GBE1: variants seen among roughly 807,000 people sequenced by gnomAD.
GBE1 encodes the protein 1,4-alpha-glucan-branching enzyme.
GBE1 carries 70 observed loss-of-function variants against 88.8 expected under a neutral mutation model. The observed-to-expected ratio is 0.79, with a 90% CI of 0.65 to 0.96. GBE1 has a LOEUF of 0.96. Among genes scored for constraint, GBE1 ranks in the 40% least tolerant of loss-of-function variants. The pLI is 0.00. For missense variants in GBE1, 872 were observed against 871.0 expected (o/e 1.00, Z -0.01); for synonymous variants, 284 against 300.1 (o/e 0.95, Z 0.56).
At chr3:81,700,985 C>T (rs1705679046) in intron 2 of GBE1, among the ~76,000 whole-genome samples, 1 of 152,136 alleles carries the variant, frequency 6.6e-6, no homozygotes, top group South Asian at 2.1e-4. Flanking sequence ...TTATTATCAT[C>T]TAGATACTGG....
chr3:81,613,846 C>T (rs2106997769), intron 7 of GBE1, among the ~76,000 whole-genome samples: 1 of 151,084 alleles, frequency 6.6e-6, no homozygotes, highest in African/African-American at 2.4e-5. Flanking sequence ...CTCTTTGTTT[C>T]ACTGGAAAGG....
chr3:81,653,348 T>C (rs1051385012), intron 3 of GBE1, among the ~76,000 whole-genome samples: 1 of 151,960 alleles, frequency 6.6e-6, no homozygotes, highest in Non-Finnish European at 1.5e-5. Flanking sequence ...TTAAACGGCA[T>C]GATGATGCAT....
rs568769625 is a variant in GBE1, at chr3:81,543,387, T to C, written c.1619-6292A>G. Among the ~76,000 whole-genome samples, 300 of 152,222 alleles carry C rather than the reference T, an allele frequency of 2.0e-3. 2 individuals are homozygous for C. Among genetic ancestry groups the C allele is most frequent in the Non-Finnish European group, 2.8e-3 (189 of 67,994 alleles). Reference sequence around the variant, plus strand: ...CTGACAAGGGGCAAATTAAGTTTAATGTAGACAAACGCAACATTAAATTTC... The same window carrying C: ...CTGACAAGGGGCAAATTAAGTTTAACGTAGACAAACGCAACATTAAATTTC... On this transcript the variant is annotated intron_variant, in intron 12 of 15. Coordinates refer to ENST00000429644, the MANE Select transcript of GBE1 (RefSeq NM_000158.4).
At chr3:81,628,039 T>C (rs1207652600) in intron 7 of GBE1, among the ~76,000 whole-genome samples, 1 of 152,000 alleles carries the variant, frequency 6.6e-6, no homozygotes, top group African/African-American at 2.4e-5. Context: ...TAAAGAAGAA[T>C]ATGAGACACA....
chr3:81,577,280 A>G lies in GBE1; in HGVS notation c.1618+645T>C, dbSNP rs938684317. ...AGAAAAATAAAACAGCCTTTTGTAT[A>G]TATTCCCCAGTCTTTGTGTCTTTCT... On this transcript the variant is annotated intron_variant, in intron 12 of 15. Transcript: ENST00000429644. Among the ~76,000 whole-genome samples the G allele has an allele frequency of 2.0e-5, 3 of 152,106 alleles. No individual in the cohort carries two copies. In the East Asian group the frequency reaches 5.8e-4, roughly 29 times the overall value.
rs1702423070 is a variant in GBE1 at position 81,490,550 on chromosome 3, C to G, written c.2053-87G>C. On this transcript the variant is annotated intron_variant, in intron 15 of 15. Coordinates refer to ENST00000429644, the MANE Select transcript of GBE1 (RefSeq NM_000158.4). ...CAAAGAAACATAGGCATGACGCAGT[C>G]TCACATCTGCCTAAAGTTACAGTTA... The G allele has an allele frequency of 4.9e-5, 51 of 1,033,048 alleles. 1 individual carries two copies. In the South Asian group the frequency reaches 6.7e-4, roughly 14 times the overall value. 64.0% of individuals were successfully genotyped at this position (1,033,048 alleles called of 1,614,324 possible).
intron 3 of GBE1, among the ~76,000 whole-genome samples, chr3:81,659,757 T>TAC (rs1261026056): frequency 3.3e-5 from 5 of 152,120 alleles, no homozygotes; most frequent in Admixed American, 1.3e-4. Flanking sequence ...TTCCGAAGAC[T>TAC]ACACACAGAA....
chr3:81,737,523 G>A (rs901610814), intron 1 of GBE1, among the ~76,000 whole-genome samples: 7 of 149,176 alleles, frequency 4.7e-5, no homozygotes, highest in African/African-American at 9.9e-5. Flanking sequence ...CTGCTGAGTC[G>A]CCAACTGTTT....
At chr3:81,537,191 T>C in intron 12 of GBE1, 96 bp from the exon 13 acceptor site, 1 of 862,938 alleles carries the variant, frequency 1.2e-6, no homozygotes, top group South Asian at 2.8e-5. Context: ...GTTTTTTAAA[T>C]TTAGTTTAGG....
chr3:81,529,050 T>C (rs1430551034), intron 14 of GBE1, among the ~76,000 whole-genome samples: 1 of 152,082 alleles, frequency 6.6e-6, no homozygotes, highest in African/African-American at 2.4e-5. Context: ...CTTCTTGTCT[T>C]CCTTGTTGTG....
rs1244162448 is a variant in GBE1 at position 81,665,535 on chromosome 3, C to CAA, written c.429+5301_429+5302dup. Among the ~76,000 whole-genome samples the CAA allele has an allele frequency of 3.9e-3, 350 of 90,050 alleles. 3 individuals are homozygous for CAA. Among genetic ancestry groups the CAA allele is most frequent in the Non-Finnish European group, 4.9e-3 (206 of 42,016 alleles). 59.1% of individuals were successfully genotyped at this position (90,050 alleles called of 152,430 possible). ...TGGGGGACACAGCGAGACTCCGTCT[C>CAA]AAAAAAAAAAAAAAAAAGACATGAG... On this transcript the variant is annotated intron_variant, in intron 3 of 15. Transcript: ENST00000429644.
At chr3:81,639,987 TA>T (rs1299029313) in intron 7 of GBE1, among the ~76,000 whole-genome samples, 6 of 152,236 alleles carry the variant, frequency 3.9e-5, no homozygotes, top group Admixed American at 2.6e-4. Context: ...GTTAAGTCAC[TA>T]AATTTTTGGC....
chr3:81,492,478 G>GA (rs553465709), intron 15 of GBE1, among the ~76,000 whole-genome samples: 267 of 145,572 alleles, frequency 1.8e-3, no homozygotes, highest in African/African-American at 2.2e-3. Flanking sequence ...CAAAGAAGGA[G>GA]AAAAAAAAAA....
intron 12 of GBE1, among the ~76,000 whole-genome samples, chr3:81,554,436 T>A (rs1703319617): frequency 6.6e-6 from 1 of 152,218 alleles, no homozygotes; most frequent in African/African-American, 2.4e-5. Flanking sequence ...TGTGGCTTTG[T>A]GGCTATTGCA....
At chr3:81,607,526 C>T (rs548700941) in intron 7 of GBE1, among the ~76,000 whole-genome samples, 4 of 151,730 alleles carry the variant, frequency 2.6e-5, no homozygotes, top group East Asian at 3.9e-4. Context: ...TCCAGCCTGG[C>T]GACAGAGCAA....
In GBE1 at chr3:81,741,473, G is replaced by A. The variant is rs536519058; in HGVS notation, c.143+19902C>T. Among the ~76,000 whole-genome samples, 7 of 152,172 alleles carry A rather than the reference G, an allele frequency of 4.6e-5. No homozygotes were observed. In the South Asian group the frequency reaches 8.3e-4, roughly 18 times the overall value. ...CCAAATGTCAACACAGATGGAAGTC[G>A]AGAGGAACAGCAATGAAATCTAAAA... On this transcript the variant is annotated intron_variant, in intron 1 of 15. Transcript: ENST00000429644.
intron 1 of GBE1, among the ~76,000 whole-genome samples, chr3:81,758,201 C>T (rs1706629720): frequency 6.6e-6 from 1 of 152,208 alleles, no homozygotes; most frequent in South Asian, 2.1e-4. Flanking sequence ...AAAATGCCCA[C>T]CGTCTGTCTA....
chr3:81,634,433 T>C (rs948701327), intron 7 of GBE1, among the ~76,000 whole-genome samples: 1 of 152,220 alleles, frequency 6.6e-6, no homozygotes, highest in Non-Finnish European at 1.5e-5. Context: ...TAATTCTATA[T>C]AGTATACATG....
chr3:81,516,424 C>G lies in GBE1; in HGVS notation c.1935-17197G>C, dbSNP rs1702800123. Among the ~76,000 whole-genome samples, 3 of 151,528 alleles carry G rather than the reference C, an allele frequency of 2.0e-5. No homozygotes were observed. In the Admixed American group the frequency reaches 2.0e-4, roughly 10 times the overall value. ...GACCTATTTCTCAGAAAAAAGATTCCTTTCAAATATTACCTGATTGATGAA... is the reference window on the plus strand; with the variant it reads ...GACCTATTTCTCAGAAAAAAGATTCGTTTCAAATATTACCTGATTGATGAA... On this transcript the variant is annotated intron_variant, in intron 14 of 15. Coordinates refer to ENST00000429644, the MANE Select transcript of GBE1 (RefSeq NM_000158.4).
Sources: allele counts gnomAD v4.1 joint callset (sites outside exome capture counted in the v4.1 genomes callset), GRCh38; gene constraint gnomAD v4.1.1; transcripts MANE v1.5; gene names NCBI Gene and HGNC (gene_info 2026-07-23, HGNC 2026-07-21).